The following ZC3H7A variants were observed in gnomAD, a reference collection of about 807,000 sequenced individuals.
The protein encoded by ZC3H7A is zinc finger CCCH domain-containing protein 7A.
In ZC3H7A, 44 loss-of-function variants were observed where a neutral mutation model predicts 125.5. That is an observed-to-expected ratio of 0.35 (90% CI 0.28 to 0.45). ZC3H7A has a LOEUF of 0.45. Ranked by LOEUF, ZC3H7A falls within the 20% of genes least tolerant of loss-of-function variation. The probability of loss-of-function intolerance (pLI) is 1.00; values close to 1 mark genes in which losing one functional copy is unlikely to be tolerated. For synonymous variants in ZC3H7A, 399 were observed against 391.2 expected (o/e 1.02, Z -0.23); for missense variants, 977 against 1,170.7 (o/e 0.83, Z 2.41).
chr16:11,753,470 G>T (rs939509119), intron 21 of ZC3H7A, among the ~76,000 whole-genome samples: 14 of 152,040 alleles, frequency 9.2e-5, no homozygotes, highest in Non-Finnish European at 1.8e-4. Context: ...TAGAGACATG[G>T]TCTCGCTGTC....
rs146244678 is a variant in ZC3H7A at position 11,774,290 on chromosome 16, T to C, written c.849A>G (p.Gly283=). The change falls in exon 9 of 23, where the codon GGA becomes GGG. Residue 283 remains glycine (G), a synonymous_variant. Coordinates refer to ENST00000355758, the MANE Select transcript of ZC3H7A (RefSeq NM_014153.4). ...AFLDDGDMVL[G]DELDDLLDSA... ...AATCAAGCAGGTCATCTAGTTCATC[T>C]CCAAGGACCATATCTCCATCATCTA... 54 of 1,613,010 alleles carry C rather than the reference T, an allele frequency of 3.3e-5. No homozygotes were observed. The African/African-American group carries it at 7.1e-4, about 21-fold the overall frequency.
chr16:11,752,969 C>G, intron 21 of ZC3H7A, 137 bp from the exon 22 acceptor site: 1 of 1,088,344 alleles, frequency 9.2e-7, no homozygotes, highest in Non-Finnish European at 1.3e-6. Flanking sequence ...GAAAGGACCA[C>G]AGCATGGGGA....
At chr16:11,761,704 T>G in intron 18 of ZC3H7A, 193 bp from the exon 19 acceptor site, 1 of 851,058 alleles carries the variant, frequency 1.2e-6, no homozygotes, top group Non-Finnish European at 1.8e-6. Flanking sequence ...TCTAAACAAA[T>G]TGATAAAATA....
Position 11,767,412 on chromosome 16 carries a change from C to T in ZC3H7A, c.1522+5G>A, listed in dbSNP as rs775832558. The T allele has an allele frequency of 4.5e-6, 7 of 1,556,904 alleles. No individual in the cohort carries two copies. Among genetic ancestry groups the T allele is most frequent in the Non-Finnish European group, 6.2e-6 (7 of 1,136,992 alleles). ...GTATACTAATTAAGTAATTACAGTA[C>T]ATACCTTTACATATATAATATGGTC... On this transcript the variant is annotated splice_donor_5th_base_variant and intron_variant, in intron 13 of 22. Transcript: ENST00000355758.
chr16:11,753,209 C>A, intron 21 of ZC3H7A: 1 of 200,870 alleles, frequency 5.0e-6, no homozygotes, highest in Non-Finnish European at 1.0e-5. Context: ...GCAGCAGCTC[C>A]CTTCAGTGTA....
At chr16:11,769,178 T>TG (rs2052923041) in intron 10 of ZC3H7A, 83 bp from the exon 11 acceptor site, 1 of 1,200,538 alleles carries the variant, frequency 8.3e-7, no homozygotes. Flanking sequence ...TTACTGGCTA[T>TG]GGCCTCCCAC....
chr16:11,751,141 C>T lies in ZC3H7A; in HGVS notation c.*176G>A, dbSNP rs966239269. ...TCTGATGCCAGTGGTTCCGTGAGAG[C>T]GTGGCCAGGCCTGTGAAACAGCCCA... On this transcript the variant is annotated 3_prime_UTR_variant, in exon 23 of 23. Transcript: ENST00000355758. 1.5e-5 allele frequency: 9 copies of T among 582,880 alleles called. No homozygotes were observed. The highest frequency in any genetic ancestry group is 4.8e-5 in the South Asian group (2 of 41,282). 36.1% of individuals were successfully genotyped at this position (582,880 alleles called of 1,614,324 possible).
chr16:11,793,140 G>T (rs1429530290), intron 1 of ZC3H7A, among the ~76,000 whole-genome samples: 2 of 152,104 alleles, frequency 1.3e-5, no homozygotes, highest in Non-Finnish European at 2.9e-5. Flanking sequence ...CTTACAAGAT[G>T]TACTAACACA....
At chr16:11,770,757 G>A (rs796376529) in intron 10 of ZC3H7A, 26 bp downstream of exon 10, 1 of 1,583,102 alleles carries the variant, frequency 6.3e-7, no homozygotes. Flanking sequence ...AACTGCAATT[G>A]TTTACAATTT....
At chr16:11,784,404 T>A (rs976097944) in intron 1 of ZC3H7A, among the ~76,000 whole-genome samples, 21 of 152,112 alleles carry the variant, frequency 1.4e-4, no homozygotes, top group African/African-American at 4.8e-4. Context: ...GAAGCACTAT[T>A]TGTAAAAGAA....
At chr16:11,769,555 A>G (rs2052932963) in intron 10 of ZC3H7A, among the ~76,000 whole-genome samples, 1 of 151,060 alleles carries the variant, frequency 6.6e-6, no homozygotes, top group African/African-American at 2.4e-5. Context: ...TGAAAATACA[A>G]AAAAAATTTG....
In ZC3H7A at chr16:11,776,333, T is replaced by TC. The variant is rs1567386693; in HGVS notation, c.571dup (p.Asp191GlyfsTer15). On this transcript the variant is annotated frameshift_variant, in exon 7 of 23. Coordinates refer to ENST00000355758, the MANE Select transcript of ZC3H7A (RefSeq NM_014153.4). LOFTEE classifies it high-confidence loss of function. Reference sequence around the variant, plus strand: ...AAATAACTTTACCTTGGTAGCCCCATCCCCAGGAACTGATTTTAATGAGAG... The same window carrying TC: ...AAATAACTTTACCTTGGTAGCCCCATCCCCCAGGAACTGATTTTAATGAGAG... 1 of 1,608,228 alleles carries TC rather than the reference T, an allele frequency of 6.2e-7. No homozygotes were observed. Among genetic ancestry groups the TC allele is most frequent in the Admixed American group, 1.7e-5 (1 of 58,938 alleles).
At chr16:11,782,154 A>T in intron 2 of ZC3H7A, 133 bp downstream of exon 2, 1 of 943,898 alleles carries the variant, frequency 1.1e-6, no homozygotes, top group Non-Finnish European at 1.6e-6. Context: ...AAATATTGCT[A>T]GAATATGGAG....
chr16:11,752,697 G>A lies in ZC3H7A; in HGVS notation c.2698C>T (p.Pro900Ser). The A allele has an allele frequency of 6.2e-7, 1 of 1,613,624 alleles. No individual in the cohort carries two copies. Among genetic ancestry groups the A allele is most frequent in the African/African-American group, 1.3e-5 (1 of 74,944 alleles). Reference sequence around the variant, plus strand: ...TCACAAATACTGAAATAGCCTGTTGGGAAGCGGTGCTGCCAGCAGTACTGG... The same window carrying A: ...TCACAAATACTGAAATAGCCTGTTGAGAAGCGGTGCTGCCAGCAGTACTGG... The part of the protein sequence containing the change: ...DDQYCWQHRF[P>S]TGYFSICDRY... The change falls in exon 22 of 23, where the codon CCA (proline) becomes TCA (serine). Residue 900 changes from proline to serine, a missense_variant. Physicochemically the swap from Pro to Ser is moderately conservative, Grantham distance 74. Transcript: ENST00000355758.
intron 4 of ZC3H7A, among the ~76,000 whole-genome samples, chr16:11,778,436 C>CAAAA (rs754842530): frequency 1.9e-4 from 14 of 74,048 alleles, no homozygotes; most frequent in Non-Finnish European, 2.6e-4. Flanking sequence ...GACACTGTCT[C>CAAAA]AAAAAAAAAA....
In ZC3H7A at chr16:11,751,284, T is replaced by G. The variant is rs1361232475; in HGVS notation, c.*33A>C. 3 of 1,575,916 alleles carry G rather than the reference T, an allele frequency of 1.9e-6. No individual in the cohort carries two copies. The highest frequency in any genetic ancestry group is 2.6e-6 in the Non-Finnish European group (3 of 1,160,914). ...CACTTTCAATTTTTCTGGTCAATGC[T>G]CTGATTAGGTATCATACATAAAAGC... is the stretch of plus-strand genomic sequence containing the variant. On this transcript the variant is annotated 3_prime_UTR_variant, in exon 23 of 23. Coordinates refer to ENST00000355758, the MANE Select transcript of ZC3H7A (RefSeq NM_014153.4).
At chr16:11,755,377 T>C (rs2052625305) in intron 21 of ZC3H7A, among the ~76,000 whole-genome samples, 1 of 152,156 alleles carries the variant, frequency 6.6e-6, no homozygotes, top group South Asian at 2.1e-4. Context: ...TTAACATCAG[T>C]TAACTTGCGA....
chr16:11,770,366 A>C (rs2052958532), intron 10 of ZC3H7A, among the ~76,000 whole-genome samples: 1 of 152,190 alleles, frequency 6.6e-6, no homozygotes, highest in South Asian at 2.1e-4. Flanking sequence ...GATGAAACCT[A>C]AAATAGACAC....
chr16:11,768,621 T>C (rs1055816381), intron 11 of ZC3H7A, 120 bp from the exon 12 acceptor site: 11 of 852,688 alleles, frequency 1.3e-5, no homozygotes, highest in Non-Finnish European at 1.8e-5. Flanking sequence ...AGGTCAGTAC[T>C]ACTCCATCCT....
Sources: allele counts gnomAD v4.1 joint callset (sites outside exome capture counted in the v4.1 genomes callset), GRCh38; gene constraint gnomAD v4.1.1; transcripts MANE v1.5; gene names NCBI Gene and HGNC (gene_info 2026-07-23, HGNC 2026-07-21).